Variants in UNC5C observed in about 807,000 individuals in gnomAD.
The protein encoded by UNC5C is netrin receptor UNC5C.
UNC5C carries 47 observed loss-of-function variants against 99.8 expected under a neutral mutation model. The ratio of observed to expected loss-of-function variants is 0.47; its 90% CI spans 0.37 to 0.60. The LOEUF (loss-of-function observed/expected upper bound fraction) is 0.60. Among genes scored for constraint, UNC5C ranks in the 20% least tolerant of loss-of-function variants. The pLI is 0.00. For synonymous variants in UNC5C, 487 were observed against 452.2 expected, an observed-to-expected ratio of 1.08 and a Z score of -0.98; for missense variants, 1,062 against 1,165.9, an observed-to-expected ratio of 0.91 and a Z score of 1.30.
intron 1 of UNC5C, among the ~76,000 whole-genome samples, chr4:95,376,763 G>C (rs1011775649): frequency 5.3e-5 from 8 of 152,142 alleles, no homozygotes; most frequent in Non-Finnish European, 4.4e-5. Context: ...CACTATTGTT[G>C]TGTATAATGA....
intron 1 of UNC5C, among the ~76,000 whole-genome samples, chr4:95,404,740 A>G (rs1745788418): frequency 6.6e-6 from 1 of 152,134 alleles, no homozygotes; most frequent in South Asian, 2.1e-4. Context: ...CTGGTTTTGT[A>G]CCCAAAAAGT....
In UNC5C at chr4:95,202,808, A is replaced by G. The variant is rs763103301; in HGVS notation, c.2059T>C (p.Phe687Leu). The G allele has an allele frequency of 1.2e-5, 19 of 1,614,128 alleles. No homozygotes were observed. The highest frequency in any genetic ancestry group is 1.6e-5 in the Non-Finnish European group (19 of 1,180,052). The change falls in exon 12 of 16, where the codon TTT (phenylalanine) becomes CTT (leucine). Residue 687 changes from phenylalanine to leucine, a missense_variant. This residue lies in a region of UNC5C where 810 missense variants were observed against 854.5 expected (regional missense o/e 0.95). Coordinates refer to ENST00000453304, the MANE Select transcript of UNC5C (RefSeq NM_003728.4). ...AAAKRLKLAI[F>L]GPLCCSSLEY... Reference sequence around the variant, plus strand: ...AGCGAGGAGCAGCACAGGGGCCCAAAGATGGCCAGCTTGAGGCGCTTCGCA... The same window carrying G: ...AGCGAGGAGCAGCACAGGGGCCCAAGGATGGCCAGCTTGAGGCGCTTCGCA...
intron 3 of UNC5C, 112 bp from the exon 4 acceptor site, chr4:95,278,474 C>T (rs1740940686): frequency 3.9e-6 from 3 of 767,998 alleles, no homozygotes; most frequent in Admixed American, 5.3e-5. Context: ...TTTTTTCTTT[C>T]TTTTTTCTTT....
intron 14 of UNC5C, among the ~76,000 whole-genome samples, chr4:95,180,634 G>A (rs1352273542): frequency 6.6e-6 from 1 of 152,198 alleles, no homozygotes; most frequent in Non-Finnish European, 1.5e-5. Context: ...GTCACGCACA[G>A]CCTGGTCTCT....
At chr4:95,278,834 T>C (rs899157632) in intron 3 of UNC5C, among the ~76,000 whole-genome samples, 1 of 152,184 alleles carries the variant, frequency 6.6e-6, no homozygotes, top group Non-Finnish European at 1.5e-5. Flanking sequence ...CTGGTGACTA[T>C]ATTATGTGGA....
intron 4 of UNC5C, among the ~76,000 whole-genome samples, chr4:95,276,047 C>T (rs1740847945): frequency 6.6e-6 from 1 of 152,084 alleles, no homozygotes; most frequent in Non-Finnish European, 1.5e-5. Context: ...ATAATGAATG[C>T]ATTTATATTA....
chr4:95,263,862 A>C (rs1579279488), intron 4 of UNC5C, among the ~76,000 whole-genome samples: 1 of 152,336 alleles, frequency 6.6e-6, no homozygotes, highest in East Asian at 1.9e-4. Flanking sequence ...CATAGTAAAT[A>C]ATTTATTCTA....
At chr4:95,369,360 G>A (rs1326613841) in intron 1 of UNC5C, among the ~76,000 whole-genome samples, 1 of 151,712 alleles carries the variant, frequency 6.6e-6, no homozygotes, top group Non-Finnish European at 1.5e-5. Context: ...AGACCAGCCT[G>A]GGAAACATAA....
intron 1 of UNC5C, among the ~76,000 whole-genome samples, chr4:95,547,630 A>G (rs533968874): frequency 6.6e-5 from 10 of 152,348 alleles, no homozygotes; most frequent in African/African-American, 2.4e-4. Flanking sequence ...TGAGCCGGCT[A>G]TCACCACTGA....
At chr4:95,305,923 A>T (rs1161778141) in intron 2 of UNC5C, among the ~76,000 whole-genome samples, 2 of 152,176 alleles carry the variant, frequency 1.3e-5, no homozygotes, top group African/African-American at 4.8e-5. Context: ...TTTATTTCTT[A>T]TTTTTAGCAT....
chr4:95,467,945 G>A (rs1480817701), intron 1 of UNC5C, among the ~76,000 whole-genome samples: 1 of 152,040 alleles, frequency 6.6e-6, no homozygotes, highest in Non-Finnish European at 1.5e-5. Context: ...AATAGGTAGT[G>A]GATCATCATA....
intron 12 of UNC5C, among the ~76,000 whole-genome samples, chr4:95,196,582 T>A (rs1248734074): frequency 6.6e-6 from 1 of 150,968 alleles, no homozygotes; most frequent in Non-Finnish European, 1.5e-5. Flanking sequence ...TGACCATTTT[T>A]GCCCCAAGGC....
At position 95,206,792 on chromosome 4, in the gene UNC5C, G is replaced by T; in HGVS notation, c.1738C>A (p.Pro580Thr). The change falls in exon 11 of 16, where the codon CCC becomes ACC. Residue 580 changes from proline to threonine, a missense_variant. Physicochemically the swap from Pro to Thr is conservative, Grantham distance 38. Around this residue, in one of 3 missense-constraint regions of UNC5C, gnomAD observed 810 missense variants for 854.5 expected, o/e 0.95. Transcript: ENST00000453304. ...AAAAGTGTCTGAGAGTCATCCATGG[G>T]TGGCCTAGGAGGAGAGCAGAGAATG... ...TVHRKETMRP[P>T]MDDSQTLLTP... 1.3e-5 allele frequency: 21 copies of T among 1,595,718 alleles called. No individual in the cohort carries two copies. The highest frequency in any genetic ancestry group is 1.7e-5 in the Non-Finnish European group (20 of 1,171,360).
intron 4 of UNC5C, among the ~76,000 whole-genome samples, chr4:95,264,526 C>T (rs1006143987): frequency 1.3e-5 from 2 of 152,294 alleles, no homozygotes; most frequent in East Asian, 1.9e-4. Flanking sequence ...TCAAGTAATA[C>T]AGAAACATGC....
intron 2 of UNC5C, among the ~76,000 whole-genome samples, chr4:95,328,066 T>TTTTTTTTTTTTTTTTTTTTTTAA (rs1742967182): frequency 7.2e-6 from 1 of 139,144 alleles, no homozygotes; most frequent in African/African-American, 2.7e-5. Context: ...TTTTTAATTT[T>TTTTTTTTTTTTTTTTTTTTTTAA]TTTTTTTTTT....
At chr4:95,309,965 A>G (rs1160366670) in intron 2 of UNC5C, among the ~76,000 whole-genome samples, 1 of 152,220 alleles carries the variant, frequency 6.6e-6, no homozygotes, top group Non-Finnish European at 1.5e-5. Context: ...TCAGTATTTG[A>G]AAGGGATATC....
chr4:95,239,548 C>T (rs150600232), intron 7 of UNC5C, among the ~76,000 whole-genome samples: 345 of 152,218 alleles, frequency 2.3e-3, no homozygotes, highest in African/African-American at 7.7e-3. Flanking sequence ...TCCAGCTCCC[C>T]GCTCCTGGTT....
intron 4 of UNC5C, among the ~76,000 whole-genome samples, chr4:95,251,753 A>T (rs552484882): frequency 6.6e-6 from 1 of 152,306 alleles, no homozygotes; most frequent in East Asian, 1.9e-4. Context: ...GCACCACAAG[A>T]CGTCTAGAAA....
intron 2 of UNC5C, among the ~76,000 whole-genome samples, chr4:95,328,082 T>C (rs1396522270): frequency 1.6e-5 from 2 of 125,426 alleles, no homozygotes; most frequent in African/African-American, 5.7e-5. Flanking sequence ...TTTTTTATTA[T>C]ACTTTAAGTT....
Sources: allele counts gnomAD v4.1 joint callset (sites outside exome capture counted in the v4.1 genomes callset), GRCh38; gene constraint gnomAD v4.1.1; regional missense constraint gnomAD v4.1.1; transcripts MANE v1.5; gene names NCBI Gene and HGNC (gene_info 2026-07-23, HGNC 2026-07-21).